RPL7: variants seen among roughly 807,000 people sequenced by gnomAD.
RPL7 encodes the protein large ribosomal subunit protein uL30.
For synonymous variants in RPL7, 100 were observed against 102.2 expected (o/e 0.98, Z 0.13); for missense variants, 205 against 301.9 (o/e 0.68, Z 2.38).
chr8:73,293,828 G>A (rs1420552054), upstream of RPL7: 4 of 571,242 alleles, frequency 7.0e-6, no homozygotes, highest in East Asian at 9.3e-5. Flanking sequence ...CATTTGATTA[G>A]ACTTTTTAAT....
intron 5 of RPL7, 148 bp downstream of exon 5, chr8:73,291,404 T>C (rs2130340115): frequency 3.5e-6 from 3 of 848,254 alleles, no homozygotes; most frequent in Non-Finnish European, 5.5e-6. Flanking sequence ...TTCAAGCTAA[T>C]GAAACCATGT....
rs144230005 is a variant in RPL7, at chr8:73,291,783, T to C, written c.418A>G (p.Ile140Val). 1 of 1,606,408 alleles carries C rather than the reference T, an allele frequency of 6.2e-7. No homozygotes were observed. Among genetic ancestry groups the C allele is most frequent in the African/African-American group, 1.3e-5 (1 of 74,792 alleles). ...AGAAAAGAGACTTACCCCCATGCAA[T>C]ATATGGCTCTACAATCCTCAGCATG... is the stretch of plus-strand genomic sequence containing the variant. Reference protein sequence around the residue: ...INMLRIVEPYIAWGYPNLKSV... With the variant: ...INMLRIVEPYVAWGYPNLKSV... The change falls in exon 4 of 7, where the codon ATT (isoleucine) becomes GTT (valine). Residue 140 changes from isoleucine (I) to valine (V), a missense_variant. Ile to Val is a conservative substitution (Grantham distance 29). Transcript: ENST00000352983.
chr8:73,292,805 TAATA>T lies in RPL7; in HGVS notation c.15-12_15-9del. ...ACCTCCTTCTTCTTCTCTCTAACGT[TAATA>T]AACAAAAATGTTATCAATAGCTCAA... On this transcript the variant is annotated splice_polypyrimidine_tract_variant and intron_variant, in intron 1 of 6. Coordinates refer to ENST00000352983, the MANE Select transcript of RPL7 (RefSeq NM_000971.4). The T allele has an allele frequency of 1.3e-6, 2 of 1,594,756 alleles. No homozygotes were observed. The highest frequency in any genetic ancestry group is 1.7e-6 in the Non-Finnish European group (2 of 1,168,210).
chr8:73,292,617 A>G, intron 2 of RPL7, 72 bp downstream of exon 2: 1 of 1,211,844 alleles, frequency 8.3e-7, no homozygotes, highest in Non-Finnish European at 1.2e-6. Flanking sequence ...AATCTTGCCA[A>G]GAACATTCAC....
At chr8:73,290,976 G>A (rs1586180865) in intron 6 of RPL7, 67 bp downstream of exon 6, 1 of 1,222,020 alleles carries the variant, frequency 8.2e-7, no homozygotes, top group South Asian at 1.3e-5. Context: ...AATGGGAAAA[G>A]TATTCAAGAT....
rs1375909906 is a variant in RPL7, at chr8:73,290,992, CCACTTA to C, written c.*1+45_*1+50del. The C allele has an allele frequency of 5.1e-6, 7 of 1,365,522 alleles. No individual in the cohort carries two copies. In the East Asian group the frequency reaches 1.4e-4, roughly 27 times the overall value. 84.6% of individuals were successfully genotyped at this position (1,365,522 alleles called of 1,614,324 possible). On this transcript the variant is annotated intron_variant, in intron 6 of 6. Transcript: ENST00000352983. Reference sequence around the variant, plus strand: ...ATGGGAAAAGTATTCAAGATTACCACCACTTATACTCTAACATTAACTCAACCTTTC... The same window carrying C: ...ATGGGAAAAGTATTCAAGATTACCACTACTCTAACATTAACTCAACCTTTC...
At chr8:73,293,649 T>G, upstream of RPL7, 1 of 1,612,820 alleles carries the variant, frequency 6.2e-7, no homozygotes, top group Admixed American at 1.7e-5. Context: ...GGCGCATGCG[T>G]ACTGTCCACT....
chr8:73,293,982 C>T (rs867519113), upstream of RPL7: 9 of 199,700 alleles, frequency 4.5e-5, no homozygotes, highest in South Asian at 5.5e-4. Flanking sequence ...CAGCATGCAC[C>T]AGTCTTCGCC....
Position 73,292,861 on chromosome 8 carries a change from G to A in RPL7, c.15-64C>T, listed in dbSNP as rs139783926. The A allele has an allele frequency of 1.1e-4, 127 of 1,167,236 alleles. 1 individual carries two copies. In the East Asian group the frequency reaches 2.8e-3, roughly 26 times the overall value. 72.3% of individuals were successfully genotyped at this position (1,167,236 alleles called of 1,614,324 possible). Reference sequence around the variant, plus strand: ...AAGCTCACAGCGCTGTATTACTCCCGTACTGAGCAGTGTTGTTTACCAGAA... The same window carrying A: ...AAGCTCACAGCGCTGTATTACTCCCATACTGAGCAGTGTTGTTTACCAGAA... On this transcript the variant is annotated intron_variant, in intron 1 of 6. Transcript: ENST00000352983.
intron 4 of RPL7, 48 bp downstream of exon 4, chr8:73,291,725 T>G: frequency 6.3e-7 from 1 of 1,592,156 alleles, no homozygotes; most frequent in South Asian, 1.1e-5. Flanking sequence ...TTCATGTTGC[T>G]ACATAACCAA....
Position 73,291,623 on chromosome 8 carries a change from T to C in RPL7, c.467A>G (p.Lys156Arg). 1 of 1,597,624 alleles carries C rather than the reference T, an allele frequency of 6.3e-7. No homozygotes were observed. The highest frequency in any genetic ancestry group is 8.6e-7 in the Non-Finnish European group (1 of 1,166,280). Residue 156 changes from lysine to arginine, a missense_variant, in exon 5 of 7, where the codon AAG (lysine) becomes AGG (arginine). Lys to Arg is a conservative substitution (Grantham distance 26). Transcript: ENST00000352983. ...CTTATTGATTTTGCCATAACCACGC[T>C]TGTAGATTAGTTCATTTACTGACTT... ...NLKSVNELIYKRGYGKINKKR... is the reference protein window; with the variant it reads ...NLKSVNELIYRRGYGKINKKR...
At chr8:73,292,031 A>G (rs1814109141) in intron 3 of RPL7, 121 bp from the exon 4 acceptor site, 2 of 1,340,766 alleles carry the variant, frequency 1.5e-6, no homozygotes, top group Non-Finnish European at 2.1e-6. Context: ...CATGTTACAC[A>G]CTGAATTTCT....
upstream of RPL7, chr8:73,294,141 C>A (rs1814189953): frequency 1.2e-5 from 2 of 160,934 alleles, no homozygotes; most frequent in Non-Finnish European, 2.7e-5. Flanking sequence ...GGCTCCCTGC[C>A]GCGGTAGTCG....
At chr8:73,293,465 G>A (rs558006871) in intron 1 of RPL7, 134 bp downstream of exon 1, 3 of 1,127,576 alleles carry the variant, frequency 2.7e-6, no homozygotes, top group African/African-American at 3.2e-5. Context: ...CCCCACTGGT[G>A]TCACACAGCG....
intron 3 of RPL7, 41 bp from the exon 4 acceptor site, chr8:73,291,951 G>T (rs765340293): frequency 7.6e-5 from 121 of 1,599,396 alleles, no homozygotes; most frequent in Non-Finnish European, 9.7e-5. Flanking sequence ...GCCTTTCATC[G>T]AAATTTTTAT....
At chr8:73,293,498 G>T in intron 1 of RPL7, 101 bp downstream of exon 1, 2 of 1,436,676 alleles carry the variant, frequency 1.4e-6, no homozygotes, top group Non-Finnish European at 1.9e-6. Context: ...CAGGGAGGTG[G>T]GCAAAGGTGC....
At position 73,292,725 on chromosome 8, in the gene RPL7, C is replaced by T. The variant is rs765853226; in HGVS notation, c.87G>A (p.Lys29=). 6.2e-7 allele frequency: 1 copy of T among 1,613,822 alleles called. No homozygotes were observed. Among genetic ancestry groups the T allele is most frequent in the Admixed American group, 1.7e-5 (1 of 59,924 alleles). ...CAAACTTCTTTCTCAGGCGCTTGATCTTCAGCTCTGCGAAATTCCTTCGCT... is the reference window on the plus strand; with the variant it reads ...CAAACTTCTTTCTCAGGCGCTTGATTTTCAGCTCTGCGAAATTCCTTCGCT... The part of the protein sequence containing the change: ...KKKRRNFAEL[K]IKRLRKKFAQ... Residue 29 remains lysine (K), a synonymous_variant, in exon 2 of 7, where the codon AAG becomes AAA. Coordinates refer to ENST00000352983, the MANE Select transcript of RPL7 (RefSeq NM_000971.4).
chr8:73,291,389 T>C (rs1586181130), intron 5 of RPL7, 137 bp from the exon 6 acceptor site: 3 of 855,014 alleles, frequency 3.5e-6, no homozygotes, highest in Non-Finnish European at 5.4e-6. Flanking sequence ...TTTACAAAGA[T>C]AAGGTTCAAG....
Position 73,292,049 on chromosome 8 carries a change from AT to A in RPL7, c.291-140del, listed in dbSNP as rs1216160121. On this transcript the variant is annotated intron_variant, in intron 3 of 6. Coordinates refer to ENST00000352983, the MANE Select transcript of RPL7 (RefSeq NM_000971.4). ...GTTACACACTGAATTTCTGTATTCT[AT>A]TAAGAGAAGGGATAGGAGCTTGGGG... 5 of 1,277,976 alleles carry A rather than the reference AT, an allele frequency of 3.9e-6. No homozygotes were observed. The East Asian group carries it at 1.2e-4, about 30-fold the overall frequency. The allele number at this position is 1,277,976 out of a possible 1,614,324, so 79.2% of individuals were successfully genotyped here.
Sources: gnomAD v4.1 joint callset for allele counts on GRCh38, gnomAD v4.1.1 for gene constraint, MANE v1.5 for transcripts, NCBI Gene and HGNC (gene_info 2026-07-23, HGNC 2026-07-21) for gene names.